BORCS5: variants seen among roughly 807,000 people sequenced by gnomAD.
BORCS5 encodes BLOC-1-related complex subunit 5.
BORCS5 carries 17 observed loss-of-function variants against 22.1 expected under a neutral mutation model. The observed-to-expected ratio is 0.77, with a 90% CI of 0.53 to 1.15. BORCS5 has a LOEUF of 1.15. Among genes scored for constraint, BORCS5 ranks in the 50% most tolerant of loss-of-function variants. The pLI is 0.00. For synonymous variants in BORCS5, 117 were observed against 99.8 expected (o/e 1.17, Z -1.03); for missense variants, 247 against 253.2 (o/e 0.98, Z 0.17).
At chr12:12,370,991 C>T (rs950371787) in intron 2 of BORCS5, among the ~76,000 whole-genome samples, 7 of 152,128 alleles carry the variant, frequency 4.6e-5, no homozygotes, top group South Asian at 2.1e-4. Context: ...CCTTGTGATC[C>T]GCCCACCTCG....
intron 2 of BORCS5, among the ~76,000 whole-genome samples, chr12:12,435,366 GT>G (rs1942532600): frequency 6.6e-6 from 1 of 152,160 alleles, no homozygotes; most frequent in South Asian, 2.1e-4. Context: ...GCTTCCTCCT[GT>G]GTAAATGGAG....
intron 2 of BORCS5, among the ~76,000 whole-genome samples, chr12:12,407,162 C>T (rs920543207): frequency 6.6e-6 from 1 of 152,148 alleles, no homozygotes; most frequent in African/African-American, 2.4e-5. Flanking sequence ...TGAATATATT[C>T]CTTTTTGCAA....
At chr12:12,384,366 A>G (rs1272198470) in intron 2 of BORCS5, among the ~76,000 whole-genome samples, 3 of 148,776 alleles carry the variant, frequency 2.0e-5, no homozygotes, top group African/African-American at 7.4e-5. Flanking sequence ...TCTTTCTTTT[A>G]TTATGATTTT....
intron 3 of BORCS5, among the ~76,000 whole-genome samples, chr12:12,445,780 C>T (rs1303135009): frequency 3.3e-5 from 5 of 149,732 alleles, no homozygotes; most frequent in East Asian, 2.0e-4. Flanking sequence ...ATTACAGGTG[C>T]GTGACACTAT....
At chr12:12,449,043 A>G (rs920901640) in intron 3 of BORCS5, among the ~76,000 whole-genome samples, 1 of 152,240 alleles carries the variant, frequency 6.6e-6, no homozygotes, top group Non-Finnish European at 1.5e-5. Context: ...AACTCCGCCT[A>G]CCTTGCAGGT....
chr12:12,412,073 C>G (rs1198864209), intron 2 of BORCS5, among the ~76,000 whole-genome samples: 1 of 152,052 alleles, frequency 6.6e-6, no homozygotes, highest in Non-Finnish European at 1.5e-5. Context: ...CAGCTTTGTT[C>G]TTCTTTTCAG....
intron 2 of BORCS5, among the ~76,000 whole-genome samples, chr12:12,362,362 C>G (rs1863305607): frequency 6.6e-6 from 1 of 152,134 alleles, no homozygotes. Context: ...CATATATTGT[C>G]TTATTCTTAC....
chr12:12,443,124 A>G (rs1942717979), intron 3 of BORCS5, among the ~76,000 whole-genome samples: 1 of 152,230 alleles, frequency 6.6e-6, no homozygotes, highest in Non-Finnish European at 1.5e-5. Flanking sequence ...TATCGCCCTG[A>G]CACTGTGAAC....
intron 3 of BORCS5, among the ~76,000 whole-genome samples, chr12:12,441,467 G>C (rs1041747565): frequency 6.6e-6 from 1 of 152,110 alleles, no homozygotes; most frequent in Non-Finnish European, 1.5e-5. Flanking sequence ...TCAGGTTTTC[G>C]TGAGGGTTCA....
intron 3 of BORCS5, among the ~76,000 whole-genome samples, chr12:12,438,385 A>AAAAAAAAAAAATACAC (rs1555156048): frequency 2.4e-5 from 3 of 126,112 alleles, no homozygotes; most frequent in African/African-American, 9.8e-5. Context: ...AAAAAACGAA[A>AAAAAAAAAAAATACAC]AACAACAACA....
chr12:12,414,278 G>A (rs1941846636), intron 2 of BORCS5, among the ~76,000 whole-genome samples: 1 of 64,430 alleles, frequency 1.6e-5, no homozygotes, highest in Non-Finnish European at 3.2e-5. Context: ...CCCAGTAGGG[G>A]CGGCCAGGCA....
intron 2 of BORCS5, among the ~76,000 whole-genome samples, chr12:12,373,138 G>A (rs1449382481): frequency 6.6e-6 from 1 of 152,196 alleles, no homozygotes; most frequent in Non-Finnish European, 1.5e-5. Flanking sequence ...CAAGAAGAGA[G>A]GGGAGAGAGG....
At chr12:12,393,041 C>G (rs1440778846) in intron 2 of BORCS5, among the ~76,000 whole-genome samples, 1 of 151,948 alleles carries the variant, frequency 6.6e-6, no homozygotes, top group Admixed American at 6.6e-5. Flanking sequence ...CAAGACCAGC[C>G]TGGACAATAT....
intron 3 of BORCS5, among the ~76,000 whole-genome samples, chr12:12,439,162 G>A (rs1328483812): frequency 6.6e-6 from 1 of 152,214 alleles, no homozygotes; most frequent in Non-Finnish European, 1.5e-5. Flanking sequence ...CTGAGGTGCT[G>A]TTAAGAAAAT....
intron 3 of BORCS5, among the ~76,000 whole-genome samples, chr12:12,453,840 C>G (rs757195140): frequency 5.3e-5 from 8 of 152,290 alleles, no homozygotes; most frequent in Non-Finnish European, 1.0e-4. Context: ...CTCCCCATAC[C>G]TCTATTCCCC....
intron 2 of BORCS5, among the ~76,000 whole-genome samples, chr12:12,422,302 T>C (rs755460668): frequency 1.2e-4 from 18 of 151,928 alleles, no homozygotes; most frequent in Non-Finnish European, 2.4e-4. Flanking sequence ...TTTTTTTAAG[T>C]GAAAACAAGT....
chr12:12,413,610 G>A (rs1192129245), intron 2 of BORCS5, among the ~76,000 whole-genome samples: 7 of 138,360 alleles, frequency 5.1e-5, no homozygotes, highest in African/African-American at 2.0e-4. Context: ...CCTCCCAGAC[G>A]GGTCGTGGCC....
intron 2 of BORCS5, among the ~76,000 whole-genome samples, chr12:12,428,639 T>C: frequency 6.6e-6 from 1 of 152,346 alleles, no homozygotes; most frequent in South Asian, 2.1e-4. Flanking sequence ...ATTTAGAAAC[T>C]TCTTCTCTTT....
intron 2 of BORCS5, among the ~76,000 whole-genome samples, chr12:12,392,759 C>G (rs562696014): frequency 6.6e-6 from 1 of 152,192 alleles, no homozygotes; most frequent in Admixed American, 6.5e-5. Context: ...TTTTATCAAA[C>G]CAAACTCTAC....
Sources: gnomAD v4.1 joint callset for allele counts (sites outside exome capture counted in the v4.1 genomes callset) on GRCh38, gnomAD v4.1.1 for gene constraint, MANE v1.5 for transcripts, NCBI Gene and HGNC (gene_info 2026-07-23, HGNC 2026-07-21) for gene names.